Variants in CTIF observed in about 807,000 individuals in gnomAD.
CTIF encodes the protein CBP80/20-dependent translation initiation factor.
In CTIF, 21 loss-of-function variants were observed where a neutral mutation model predicts 66.0. That is an observed-to-expected ratio of 0.32 (90% CI 0.23 to 0.46). The LOEUF is 0.46. Ranked by LOEUF, CTIF falls within the 20% of genes least tolerant of loss-of-function variation. The probability of loss-of-function intolerance (pLI) is 1.00; values close to 1 mark genes in which losing one functional copy is unlikely to be tolerated. For missense variants in CTIF, 739 were observed against 812.7 expected (o/e 0.91, Z 1.10); for synonymous variants, 345 against 326.4 (o/e 1.06, Z -0.62).
chr18:48,620,052 C>G (rs2090465769), intron 2 of CTIF, among the ~76,000 whole-genome samples: 1 of 152,200 alleles, frequency 6.6e-6, no homozygotes, highest in African/African-American at 2.4e-5. Context: ...GAACGCTGTT[C>G]CCTGTCCTCA....
chr18:48,657,443 A>G (rs1056705313), intron 3 of CTIF, among the ~76,000 whole-genome samples: 1 of 152,224 alleles, frequency 6.6e-6, no homozygotes, highest in Non-Finnish European at 1.5e-5. Context: ...TTCTGAAAGC[A>G]TCGTCTGTGA....
intron 7 of CTIF, among the ~76,000 whole-genome samples, chr18:48,747,756 A>C (rs1345481772): frequency 1.3e-5 from 2 of 151,614 alleles, no homozygotes; most frequent in Non-Finnish European, 2.9e-5. Flanking sequence ...AAAATTAAAA[A>C]AAAAAAAAAA....
chr18:48,658,920 A>C (rs994341849), intron 3 of CTIF, among the ~76,000 whole-genome samples: 5 of 152,122 alleles, frequency 3.3e-5, no homozygotes, highest in Admixed American at 1.3e-4. Context: ...TGTCCAGTTT[A>C]GCTTGGCAGT....
chr18:48,676,683 T>C (rs1052410848), intron 6 of CTIF, among the ~76,000 whole-genome samples: 1 of 151,660 alleles, frequency 6.6e-6, no homozygotes, highest in Non-Finnish European at 1.5e-5. Flanking sequence ...CCCAGAAGGC[T>C]CAGGGGACGG....
intron 9 of CTIF, among the ~76,000 whole-genome samples, chr18:48,796,668 A>G (rs2067926828): frequency 6.6e-6 from 1 of 152,148 alleles, no homozygotes; most frequent in South Asian, 2.1e-4. Context: ...CCCCACACTC[A>G]ACCCCACAGC....
intron 1 of CTIF, among the ~76,000 whole-genome samples, chr18:48,551,663 A>G (rs1339850312): frequency 6.6e-6 from 1 of 152,194 alleles, no homozygotes; most frequent in Non-Finnish European, 1.5e-5. Context: ...CAGGGAAGCC[A>G]GGCTAGAAAC....
At chr18:48,755,177 G>A (rs960173982) in intron 7 of CTIF, among the ~76,000 whole-genome samples, 7 of 152,212 alleles carry the variant, frequency 4.6e-5, no homozygotes, top group Admixed American at 1.3e-4. Context: ...ATTATTATCT[G>A]CCAGGGAATT....
At chr18:48,541,081 C>A (rs1232896817) in intron 1 of CTIF, among the ~76,000 whole-genome samples, 1 of 152,186 alleles carries the variant, frequency 6.6e-6, no homozygotes, top group African/African-American at 2.4e-5. Flanking sequence ...CTGGGGTGAC[C>A]CCGCACCGAG....
chr18:48,827,096 G>A (rs1444567131), intron 10 of CTIF, among the ~76,000 whole-genome samples: 7 of 152,216 alleles, frequency 4.6e-5, no homozygotes, highest in African/African-American at 1.4e-4. Context: ...CCCGATGAGC[G>A]AGCCGTGGCC....
chr18:48,554,171 C>G (rs1380851375), intron 1 of CTIF, among the ~76,000 whole-genome samples: 1 of 152,180 alleles, frequency 6.6e-6, no homozygotes, highest in Non-Finnish European at 1.5e-5. Flanking sequence ...GGTCCTTACC[C>G]CTGGCATTGT....
At position 48,765,931 on chromosome 18, in the gene CTIF, TTTTA is replaced by T. The variant is rs1909483453; in HGVS notation, c.1371+4246_1371+4249del. ...CATTTCTTTTTTTTTTTACTTTTTA[TTTTA>T]TTTTATTTTTTAATCATTTTTTCTT... On this transcript the variant is annotated intron_variant, in intron 9 of 11. Coordinates refer to ENST00000256413, the MANE Select transcript of CTIF (RefSeq NM_014772.3). 2.0e-5 allele frequency among the ~76,000 whole-genome samples: 3 copies of T among 149,788 alleles called. No homozygotes were observed. The Admixed American group carries it at 2.0e-4, about 10-fold the overall frequency.
intron 1 of CTIF, among the ~76,000 whole-genome samples, chr18:48,550,641 G>A (rs61101989): frequency 0.013 from 1,903 of 152,226 alleles, 43 homozygotes; most frequent in African/African-American, 0.043. Flanking sequence ...CCACAGCACA[G>A]TCTGTGGGTT....
intron 1 of CTIF, among the ~76,000 whole-genome samples, chr18:48,571,684 A>G (rs2089418941): frequency 6.6e-6 from 1 of 152,064 alleles, no homozygotes; most frequent in African/African-American, 2.4e-5. Flanking sequence ...TGGCTATACC[A>G]TGCTTTATTC....
intron 1 of CTIF, among the ~76,000 whole-genome samples, chr18:48,572,985 C>A (rs1402524838): frequency 6.6e-6 from 1 of 151,790 alleles, no homozygotes; most frequent in East Asian, 1.9e-4. Flanking sequence ...AGAGCAAGAC[C>A]CTGTCTTAAA....
intron 1 of CTIF, among the ~76,000 whole-genome samples, chr18:48,580,698 CT>C (rs1168519309): frequency 6.6e-6 from 1 of 152,234 alleles, no homozygotes; most frequent in African/African-American, 2.4e-5. Flanking sequence ...GGACCGTCGT[CT>C]TTCTGGGTAC....
intron 3 of CTIF, among the ~76,000 whole-genome samples, chr18:48,657,206 A>G (rs1458874265): frequency 6.6e-6 from 1 of 152,274 alleles, no homozygotes; most frequent in Admixed American, 6.5e-5. Context: ...ACCTTGGGAA[A>G]GAAATATTGC....
At chr18:48,858,084 G>C (rs2069371505) in intron 11 of CTIF, among the ~76,000 whole-genome samples, 1 of 152,274 alleles carries the variant, frequency 6.6e-6, no homozygotes, top group Non-Finnish European at 1.5e-5. Context: ...TGTGGCCCCT[G>C]CTAATGGAGA....
At chr18:48,805,987 G>A (rs1994559) in intron 9 of CTIF, among the ~76,000 whole-genome samples, 33,888 of 152,032 alleles carry the variant, frequency 0.22, 4,171 homozygotes, top group African/African-American at 0.33. Context: ...CCTTCAGGAA[G>A]CCCTTCTAGC....
intron 6 of CTIF, among the ~76,000 whole-genome samples, chr18:48,705,167 C>T (rs972465100): frequency 2.6e-5 from 4 of 152,190 alleles, no homozygotes; most frequent in African/African-American, 7.2e-5. Context: ...CCATTGCTGA[C>T]GGCAACAGCA....
Sources: allele counts gnomAD v4.1 joint callset (sites outside exome capture counted in the v4.1 genomes callset), GRCh38; gene constraint gnomAD v4.1.1; transcripts MANE v1.5; gene names NCBI Gene and HGNC (gene_info 2026-07-23, HGNC 2026-07-21).